SNTG1: variants seen among roughly 807,000 people sequenced by gnomAD.
The protein encoded by SNTG1 is gamma-1-syntrophin.
Under a neutral mutation model 74.7 loss-of-function variants are expected in SNTG1, and 39 were observed. That is an observed-to-expected ratio of 0.52 (90% CI 0.40 to 0.68). The LOEUF is 0.68. SNTG1 is among the 30% of genes least tolerant of loss of function. The pLI, the probability that SNTG1 is intolerant of heterozygous loss-of-function variation, is 0.00. For synonymous variants in SNTG1, 254 were observed against 217.1 expected (o/e 1.17, Z -1.49); for missense variants, 685 against 609.5 (o/e 1.12, Z -1.30).
chr8:50,138,795 A>T (rs2081564576), intron 1 of SNTG1, among the ~76,000 whole-genome samples: 1 of 151,930 alleles, frequency 6.6e-6, no homozygotes, highest in Non-Finnish European at 1.5e-5. Flanking sequence ...AAACAGAAAA[A>T]TCCTTGGGTA....
chr8:50,436,727 A>T (rs2093307466), intron 4 of SNTG1, among the ~76,000 whole-genome samples: 1 of 152,274 alleles, frequency 6.6e-6, no homozygotes, highest in East Asian at 1.9e-4. Flanking sequence ...AGAAATAACA[A>T]ATATTAATTA....
At chr8:50,040,614 T>C (rs976857495) in intron 1 of SNTG1, among the ~76,000 whole-genome samples, 1 of 152,092 alleles carries the variant, frequency 6.6e-6, no homozygotes, top group African/African-American at 2.4e-5. Flanking sequence ...TTTCTTCAAC[T>C]AATAAATGGC....
intron 17 of SNTG1, among the ~76,000 whole-genome samples, chr8:50,716,092 T>G (rs997065678): frequency 4.6e-5 from 7 of 152,166 alleles, no homozygotes; most frequent in Admixed American, 1.3e-4. Context: ...TACACACATG[T>G]GCACACATAC....
At chr8:50,788,176 C>T (rs1295665341) in intron 18 of SNTG1, among the ~76,000 whole-genome samples, 1 of 151,788 alleles carries the variant, frequency 6.6e-6, no homozygotes, top group Non-Finnish European at 1.5e-5. Flanking sequence ...GACTGCAAGG[C>T]CATTAAGAAT....
At chr8:50,775,818 G>T (rs1390978832) in intron 18 of SNTG1, among the ~76,000 whole-genome samples, 2 of 151,528 alleles carry the variant, frequency 1.3e-5, no homozygotes, top group Admixed American at 6.6e-5. Flanking sequence ...CATATTTAGA[G>T]TTGATATGTT....
intron 1 of SNTG1, among the ~76,000 whole-genome samples, chr8:50,055,713 G>A (rs535920735): frequency 6.6e-6 from 1 of 152,010 alleles, no homozygotes; most frequent in East Asian, 1.9e-4. Flanking sequence ...CTCTCCCCTC[G>A]CCAGTCAGTC....
At chr8:50,682,827 G>A (rs990272095) in intron 15 of SNTG1, among the ~76,000 whole-genome samples, 16 of 152,070 alleles carry the variant, frequency 1.1e-4, no homozygotes, top group Admixed American at 3.9e-4. Flanking sequence ...TTCTGTTTAG[G>A]CATACACAAG....
chr8:50,373,526 TA>T (rs1204309512), intron 2 of SNTG1, among the ~76,000 whole-genome samples: 12 of 152,164 alleles, frequency 7.9e-5, no homozygotes, highest in Non-Finnish European at 1.6e-4. Flanking sequence ...TATTAAGTAG[TA>T]AAAAATGTAC....
chr8:50,648,294 G>C (rs1188584672), intron 13 of SNTG1, among the ~76,000 whole-genome samples: 1 of 152,146 alleles, frequency 6.6e-6, no homozygotes, highest in Non-Finnish European at 1.5e-5. Context: ...TCAGCCTGCA[G>C]CAAAGTATAG....
At chr8:50,492,529 T>TA (rs1476008849) in intron 8 of SNTG1, among the ~76,000 whole-genome samples, 1 of 152,226 alleles carries the variant, frequency 6.6e-6, no homozygotes, top group Non-Finnish European at 1.5e-5. Context: ...GTTGGCCACA[T>TA]AAATGCCTCC....
intron 15 of SNTG1, among the ~76,000 whole-genome samples, chr8:50,690,990 T>C (rs4873473): frequency 0.21 from 31,301 of 152,148 alleles, 3,322 homozygotes; most frequent in South Asian, 0.31. Flanking sequence ...TTGAACCTTT[T>C]ACCATTATGT....
intron 1 of SNTG1, among the ~76,000 whole-genome samples, chr8:50,157,805 C>G (rs946529139): frequency 3.3e-5 from 5 of 152,066 alleles, no homozygotes; most frequent in African/African-American, 1.2e-4. Context: ...CTGTCTTGCA[C>G]ATTCATAGAA....
In SNTG1 at chr8:50,582,838, A is replaced by G. The variant is rs180950626; in HGVS notation, c.811-8041A>G. Reference sequence around the variant, plus strand: ...TTCTATGTTTTGGGTCATTCATAGAACTAAAATCACATATTTTGGGAATTA... The same window carrying G: ...TTCTATGTTTTGGGTCATTCATAGAGCTAAAATCACATATTTTGGGAATTA... On this transcript the variant is annotated intron_variant, in intron 12 of 18. Transcript: ENST00000642720. Among the ~76,000 whole-genome samples, 646 of 152,252 alleles carry G rather than the reference A, an allele frequency of 4.2e-3. 9 individuals are homozygous for G. The highest frequency in any genetic ancestry group is 0.014 in the African/African-American group (585 of 41,546).
intron 1 of SNTG1, among the ~76,000 whole-genome samples, chr8:49,936,352 G>C (rs1808082198): frequency 6.6e-6 from 1 of 151,980 alleles, no homozygotes; most frequent in Non-Finnish European, 1.5e-5. Flanking sequence ...GGTCCCTTTT[G>C]CTACAGTTTC....
chr8:50,666,589 C>T (rs2095251894), intron 15 of SNTG1, among the ~76,000 whole-genome samples: 1 of 152,010 alleles, frequency 6.6e-6, no homozygotes, highest in Non-Finnish European at 1.5e-5. Context: ...AAAAATTATT[C>T]CATGTCAGGA....
rs531297750 is a variant in SNTG1 at position 50,146,514 on chromosome 8, G to C, written c.-102-26047G>C. On this transcript the variant is annotated intron_variant, in intron 1 of 18. Coordinates refer to ENST00000642720, the MANE Select transcript of SNTG1 (RefSeq NM_018967.5). ...GCCTGGGCAACAAAAGTGAAACTCA[G>C]TCTAAAAACAAAAACAAAAACACAA... 2.0e-5 allele frequency among the ~76,000 whole-genome samples: 3 copies of C among 152,068 alleles called. No individual in the cohort carries two copies. The East Asian group carries it at 5.8e-4, about 29-fold the overall frequency.
intron 13 of SNTG1, among the ~76,000 whole-genome samples, chr8:50,625,327 G>T (rs2094949404): frequency 6.6e-6 from 1 of 152,158 alleles, no homozygotes; most frequent in African/African-American, 2.4e-5. Context: ...AGATACAAGA[G>T]GTTTCCCACT....
chr8:50,174,365 G>T (rs1052796935), intron 2 of SNTG1, among the ~76,000 whole-genome samples: 2 of 152,190 alleles, frequency 1.3e-5, no homozygotes, highest in Non-Finnish European at 2.9e-5. Context: ...TAATGGGATT[G>T]CTGGGTCAAA....
chr8:50,379,330 G>A (rs1047253882), intron 2 of SNTG1, among the ~76,000 whole-genome samples: 14 of 152,146 alleles, frequency 9.2e-5, no homozygotes, highest in African/African-American at 3.4e-4. Flanking sequence ...AAGCAGGGGG[G>A]GCCTTCATGG....
Sources: gnomAD v4.1 joint callset for allele counts (sites outside exome capture counted in the v4.1 genomes callset) on GRCh38, gnomAD v4.1.1 for gene constraint, MANE v1.5 for transcripts, NCBI Gene and HGNC (gene_info 2026-07-23, HGNC 2026-07-21) for gene names.